The following S100Z variants were observed in gnomAD, a reference collection of about 807,000 sequenced individuals.
S100Z encodes protein S100-Z.
A neutral mutation model predicts 8.5 loss-of-function variants in S100Z; 11 were observed. That is an observed-to-expected ratio of 1.30 (90% confidence interval 0.82 to 2.15). S100Z has a LOEUF of 2.15. Ranked by LOEUF, S100Z falls within the 30% of genes most tolerant of loss-of-function variation. The pLI is 0.00. For missense variants in S100Z, 126 were observed against 117.9 expected (o/e 1.07, Z -0.32); for synonymous variants, 34 against 43.8 (o/e 0.78, Z 0.89).
In S100Z at chr5:76,866,581, T is replaced by A. The variant is rs185893942; in HGVS notation, c.-175-3585T>A. On this transcript the variant is annotated intron_variant, in intron 1 of 4. Transcript: ENST00000317593. ...TCCTATAAAGGTGTACTATTTTTTT[T>A]ATCTTTTATACATATTTTTACTGTA... Among the ~76,000 whole-genome samples, 82 of 152,348 alleles carry A rather than the reference T, an allele frequency of 5.4e-4. No homozygotes were observed. The East Asian group carries it at 0.014, about 27-fold the overall frequency.
At chr5:76,906,856 C>T (rs9686320) in intron 4 of S100Z, among the ~76,000 whole-genome samples, 3,663 of 151,480 alleles carry the variant, frequency 0.024, 168 homozygotes, top group African/African-American at 0.083. Flanking sequence ...TGGTCTCAAA[C>T]TCCTGATCTC....
chr5:76,937,568 C>T, the S100Z span, among the ~76,000 whole-genome samples: 1 of 151,616 alleles, frequency 6.6e-6, no homozygotes, highest in Non-Finnish European at 1.5e-5. Context: ...TCAGCCTGGA[C>T]AACATAGTGA....
intron 4 of S100Z, among the ~76,000 whole-genome samples, chr5:76,892,509 G>C (rs1302420684): frequency 6.6e-6 from 1 of 152,118 alleles, no homozygotes; most frequent in Non-Finnish European, 1.5e-5. Context: ...AACTACTTTA[G>C]AGGTTTATTT....
chr5:76,875,858 T>C (rs1444944385), intron 3 of S100Z, among the ~76,000 whole-genome samples: 1 of 152,140 alleles, frequency 6.6e-6, no homozygotes, highest in Non-Finnish European at 1.5e-5. Context: ...CTGTAAATTA[T>C]GTATTGGGCC....
chr5:76,920,111 T>C (rs532687078), intron 4 of S100Z, among the ~76,000 whole-genome samples: 10 of 152,132 alleles, frequency 6.6e-5, no homozygotes, highest in Admixed American at 1.3e-4. Context: ...GGTTTCACCA[T>C]GTTGGCCAGA....
At chr5:76,900,015 T>C (rs1316569248) in intron 4 of S100Z, among the ~76,000 whole-genome samples, 10 of 152,230 alleles carry the variant, frequency 6.6e-5, no homozygotes, top group Non-Finnish European at 1.5e-4. Flanking sequence ...TATACTATTG[T>C]AGGGTAAAAG....
chr5:76,933,852 A>G, the S100Z span, among the ~76,000 whole-genome samples: 1 of 152,102 alleles, frequency 6.6e-6, no homozygotes, highest in African/African-American at 2.4e-5. Flanking sequence ...CACCATCCCA[A>G]ACAAAAACTT....
chr5:76,888,093 T>C (rs1339886025), intron 4 of S100Z, among the ~76,000 whole-genome samples: 2 of 151,312 alleles, frequency 1.3e-5, no homozygotes, highest in Non-Finnish European at 2.9e-5. Flanking sequence ...CCATCTCTAC[T>C]AAAAAATACA....
intron 4 of S100Z, 26 bp from the exon 5 acceptor site, chr5:76,920,691 G>C (rs986998723): frequency 6.6e-6 from 1 of 152,220 alleles, no homozygotes; most frequent in African/African-American, 2.4e-5. Flanking sequence ...TGGATTTCAA[G>C]TGACTGTGTG....
chr5:76,924,381 C>T (rs1231879597), downstream of S100Z, among the ~76,000 whole-genome samples: 3 of 152,084 alleles, frequency 2.0e-5, no homozygotes, highest in Non-Finnish European at 2.9e-5. Context: ...ATTAATCTTC[C>T]TATTCATTCT....
chr5:76,885,465 G>A (rs1406719544), intron 4 of S100Z, among the ~76,000 whole-genome samples: 4 of 118,856 alleles, frequency 3.4e-5, no homozygotes, highest in Admixed American at 8.3e-5. Context: ...AAGTGGGAAC[G>A]GGGTGGGAGG....
intron 4 of S100Z, among the ~76,000 whole-genome samples, chr5:76,896,031 G>A (rs748100696): frequency 2.0e-5 from 3 of 151,776 alleles, no homozygotes; most frequent in East Asian, 3.9e-4. Flanking sequence ...TTAAGGTGAC[G>A]GATTACAGGT....
At chr5:76,927,998 G>T in the S100Z span, among the ~76,000 whole-genome samples, 1 of 152,188 alleles carries the variant, frequency 6.6e-6, no homozygotes, top group Non-Finnish European at 1.5e-5. Context: ...CTCTGAGGAC[G>T]TGGGGGTTTG....
At chr5:76,939,493 G>T in the S100Z span, among the ~76,000 whole-genome samples, 1 of 145,114 alleles carries the variant, frequency 6.9e-6, no homozygotes, top group Non-Finnish European at 1.5e-5. Flanking sequence ...GGGTGAAATA[G>T]TATGAAACAA....
At chr5:76,917,839 C>T (rs1434923590) in intron 4 of S100Z, among the ~76,000 whole-genome samples, 2 of 122,850 alleles carry the variant, frequency 1.6e-5, no homozygotes, top group Admixed American at 8.1e-5. Flanking sequence ...AAAAAAAAAT[C>T]AGAAATTGAA....
At chr5:76,901,520 A>C (rs1280127450) in intron 4 of S100Z, among the ~76,000 whole-genome samples, 1 of 152,216 alleles carries the variant, frequency 6.6e-6, no homozygotes, top group Non-Finnish European at 1.5e-5. Context: ...CCAGGTCACA[A>C]GTACGGCCAG....
intron 4 of S100Z, among the ~76,000 whole-genome samples, chr5:76,882,173 A>G (rs1235379520): frequency 6.6e-6 from 1 of 152,190 alleles, no homozygotes; most frequent in Non-Finnish European, 1.5e-5. Flanking sequence ...AGATTTTGGA[A>G]GTTATGAGAA....
Position 76,883,105 on chromosome 5 carries a change from C to T in S100Z, c.*2+5271C>T, listed in dbSNP as rs528962567. On this transcript the variant is annotated intron_variant, in intron 4 of 4. Coordinates refer to ENST00000317593, the MANE Select transcript of S100Z (RefSeq NM_130772.4). ...AGGCAAGTGATAACAGGCTTTAATC[C>T]TTTTAAAGCATGCTGTGGGATGGGA... Among the ~76,000 whole-genome samples the T allele has an allele frequency of 3.6e-3, 544 of 152,124 alleles. 2 individuals carry two copies. Among genetic ancestry groups the T allele is most frequent in the African/African-American group, 0.012 (498 of 41,476 alleles).
the S100Z span, among the ~76,000 whole-genome samples, chr5:76,947,535 A>C: frequency 6.6e-6 from 1 of 152,232 alleles, no homozygotes; most frequent in African/African-American, 2.4e-5. Context: ...TTCGTATGAA[A>C]CCTAAAAGAC....
Sources: gnomAD v4.1 joint callset for allele counts (sites outside exome capture counted in the v4.1 genomes callset) on GRCh38, gnomAD v4.1.1 for gene constraint, MANE v1.5 for transcripts, NCBI Gene and HGNC (gene_info 2026-07-23, HGNC 2026-07-21) for gene names.